Variants in MTHFSD observed in about 807,000 individuals in gnomAD.
The protein encoded by MTHFSD is methenyltetrahydrofolate synthase domain-containing protein.
In MTHFSD, 37 loss-of-function variants were observed where a neutral mutation model predicts 31.1. That is an observed-to-expected ratio of 1.19 (90% confidence interval 0.91 to 1.56). MTHFSD has a LOEUF of 1.56. Ranked by LOEUF, MTHFSD falls within the 40% of genes most tolerant of loss-of-function variation. MTHFSD has a pLI of 0.00. For missense variants in MTHFSD, 664 were observed against 510.1 expected (o/e 1.30, Z -2.91); for synonymous variants, 221 against 206.9 (o/e 1.07, Z -0.59).
intron 1 of MTHFSD, 150 bp from the exon 2 acceptor site, chr16:86,554,901 C>A: frequency 8.6e-6 from 9 of 1,048,786 alleles, no homozygotes; most frequent in African/African-American, 8.0e-5. Flanking sequence ...CCTCAAGGGG[C>A]CCACGGGCTC....
In MTHFSD at chr16:86,532,265, C is replaced by A. The variant is rs548803291; in HGVS notation, c.898G>T (p.Glu300Ter). The A allele has an allele frequency of 7.0e-6, 11 of 1,567,508 alleles. No individual in the cohort carries two copies. Among genetic ancestry groups the A allele is most frequent in the Admixed American group, 1.9e-5 (1 of 52,660 alleles). Residue 300 changes from glutamate to a stop codon, truncating the protein, a stop_gained, in exon 8 of 8, where the codon GAG (glutamate) becomes TAG (stop). Coordinates refer to ENST00000360900, the MANE Select transcript of MTHFSD (RefSeq NM_001159377.2). LOFTEE classifies it low-confidence loss of function (END_TRUNC). ...MEAAPGSPPGEGAPLAADVYV... is the reference protein window; with the variant it reads ...MEAAPGSPPG ...ACATCGGCTGCAAGCGGGGCACCCTCCCCTGGTGGGGAGCCAGGGGCTGCC... is the reference window on the plus strand; with the variant it reads ...ACATCGGCTGCAAGCGGGGCACCCTACCCTGGTGGGGAGCCAGGGGCTGCC...
chr16:86,543,279 A>T (rs1301934379), intron 5 of MTHFSD, among the ~76,000 whole-genome samples: 1 of 152,200 alleles, frequency 6.6e-6, no homozygotes, highest in Non-Finnish European at 1.5e-5. Context: ...GAAGCGGGAA[A>T]AGAGGCCAGG....
Position 86,531,975 on chromosome 16 carries a change from G to T in MTHFSD, c.*36C>A, listed in dbSNP as rs753396906. ...ACCGGAGCGGCAGGGGACGGGGATG[G>T]CGAGTCTGCAGTGAGCTCCGTGGCT... is the stretch of plus-strand genomic sequence containing the variant. On this transcript the variant is annotated 3_prime_UTR_variant, in exon 8 of 8. Coordinates refer to ENST00000360900, the MANE Select transcript of MTHFSD (RefSeq NM_001159377.2). This position sits in a 1 kb window ranked among gnomAD's most constrained non-coding sequence, Gnocchi z 5.5. 8.1e-6 allele frequency: 11 copies of T among 1,356,920 alleles called. No individual in the cohort carries two copies. Among genetic ancestry groups the T allele is most frequent in the Non-Finnish European group, 6.7e-6 (7 of 1,041,690 alleles). 84.1% of individuals were successfully genotyped at this position (1,356,920 alleles called of 1,614,324 possible).
chr16:86,552,242 C>T (rs367853384), intron 2 of MTHFSD, 96 bp from the exon 3 acceptor site: 52 of 1,611,186 alleles, frequency 3.2e-5, no homozygotes, highest in African/African-American at 2.4e-4. Context: ...TGGTCCTGGC[C>T]GTTTTGAACG....
intron 7 of MTHFSD, among the ~76,000 whole-genome samples, chr16:86,540,278 T>C (rs567806503): frequency 4.6e-5 from 7 of 152,324 alleles, no homozygotes; most frequent in Admixed American, 3.9e-4. Context: ...ACAGTGACTT[T>C]CCTGGAAGAG....
chr16:86,542,042 C>G lies in MTHFSD; in HGVS notation c.555+59G>C. The G allele has an allele frequency of 6.6e-7, 1 of 1,513,306 alleles. No homozygotes were observed. Among genetic ancestry groups the G allele is most frequent in the Non-Finnish European group, 9.1e-7 (1 of 1,096,364 alleles). 93.7% of individuals were successfully genotyped at this position (1,513,306 alleles called of 1,614,324 possible). On this transcript the variant is annotated intron_variant, in intron 6 of 7. Transcript: ENST00000360900. This position sits in a 1 kb window ranked among gnomAD's most constrained non-coding sequence, Gnocchi z 4.6. ...GAAGCAGATGAGTCTCCTTCCCCAC[C>G]CCCTGCTCCCTCAGAAGAGAATGGC...
At chr16:86,532,637 CCACT>C (rs887157791) in intron 7 of MTHFSD, 156 bp from the exon 8 acceptor site, 18 of 491,390 alleles carry the variant, frequency 3.7e-5, no homozygotes, top group Admixed American at 8.1e-5. Context: ...ACTGTCCCAC[CCACT>C]ATCTCACACA....
chr16:86,541,862 GC>G, intron 6 of MTHFSD, 40 bp from the exon 7 acceptor site: 1 of 1,610,882 alleles, frequency 6.2e-7, no homozygotes, highest in East Asian at 2.2e-5. Flanking sequence ...TGCTGGGAAT[GC>G]CACTGCAGTC....
chr16:86,545,249 A>G (rs1475888437), intron 5 of MTHFSD, among the ~76,000 whole-genome samples: 1 of 152,118 alleles, frequency 6.6e-6, no homozygotes, highest in Non-Finnish European at 1.5e-5. Context: ...GCATGCTACT[A>G]TGTACAACGT....
chr16:86,553,787 G>A (rs964995067), intron 2 of MTHFSD: 8 of 153,212 alleles, frequency 5.2e-5, no homozygotes, highest in Middle Eastern at 3.1e-3. Flanking sequence ...GCCCCAGTGC[G>A]GGATCTGCTG....
In MTHFSD at chr16:86,554,356, G is replaced by C. The variant is rs550598371; in HGVS notation, c.123+289C>G. ...TTAAAAACTGTAACACTCACTGCGA[G>C]GCTTCATTCTTGAAGTCAGTGAGAC... On this transcript the variant is annotated intron_variant, in intron 2 of 7. Transcript: ENST00000360900. 2.8e-3 allele frequency among the ~76,000 whole-genome samples: 430 copies of C among 152,254 alleles called. 2 individuals are homozygous for C. Among genetic ancestry groups the C allele is most frequent in the Non-Finnish European group, 4.8e-3 (327 of 68,012 alleles).
chr16:86,550,720 T>C (rs1408531956), intron 3 of MTHFSD, among the ~76,000 whole-genome samples: 1 of 152,238 alleles, frequency 6.6e-6, no homozygotes, highest in Non-Finnish European at 1.5e-5. Flanking sequence ...ACTGCTGCTA[T>C]TACTACTTCT....
intron 6 of MTHFSD, 109 bp from the exon 7 acceptor site, chr16:86,541,931 C>G: frequency 6.8e-7 from 1 of 1,481,166 alleles, no homozygotes; most frequent in Non-Finnish European, 9.2e-7. Flanking sequence ...ACCCCCAAAT[C>G]CACTCTGGGG....
At chr16:86,541,419 A>C in intron 7 of MTHFSD, 1 of 596,466 alleles carries the variant, frequency 1.7e-6, no homozygotes, top group South Asian at 2.1e-5. Context: ...GTAAAGCTTC[A>C]AGGCATTCAC....
At chr16:86,535,297 C>T in intron 7 of MTHFSD, 1 of 985,410 alleles carries the variant, frequency 1.0e-6, no homozygotes, top group Non-Finnish European at 1.2e-6. Context: ...GATGACAAGG[C>T]TTCACATCAG....
intron 7 of MTHFSD, among the ~76,000 whole-genome samples, chr16:86,538,711 A>C (rs1971060372): frequency 6.6e-6 from 1 of 152,206 alleles, no homozygotes; most frequent in South Asian, 2.1e-4. Flanking sequence ...AGCTGGACGA[A>C]CTGCCCAGAG....
chr16:86,545,645 C>T (rs1474907472), intron 5 of MTHFSD, among the ~76,000 whole-genome samples: 6 of 152,168 alleles, frequency 3.9e-5, no homozygotes, highest in African/African-American at 1.2e-4. Flanking sequence ...CCCCTCCAGG[C>T]TGGCACGTCC....
rs1352127533 is a variant in MTHFSD, at chr16:86,531,998, G to C, written c.*13C>G. 3.5e-5 allele frequency: 50 copies of C among 1,447,902 alleles called. No individual in the cohort carries two copies. Among genetic ancestry groups the C allele is most frequent in the Non-Finnish European group, 4.3e-5 (48 of 1,105,026 alleles). The allele number at this position is 1,447,902 out of a possible 1,614,324, so 89.7% of individuals were successfully genotyped here. A position where few individuals can be genotyped will look rare whatever the true frequency, so the allele number is the denominator to read the frequency against. On this transcript the variant is annotated 3_prime_UTR_variant, in exon 8 of 8. Transcript: ENST00000360900. This position sits in a 1 kb window ranked among gnomAD's most constrained non-coding sequence, Gnocchi z 5.5. ...TGGCGAGTCTGCAGTGAGCTCCGTG[G>C]CTGTCCACGAGGTCACTTGTCCCTC...
rs1315754341 is a variant in MTHFSD, at chr16:86,547,483, G to A, written c.352-834C>T. On this transcript the variant is annotated intron_variant, in intron 4 of 7. Coordinates refer to ENST00000360900, the MANE Select transcript of MTHFSD (RefSeq NM_001159377.2). The stretch of plus-strand genomic sequence containing the variant: ...TGGGGGTCTCCCGACAGTCACAGAA[G>A]GGGGCTTAGTCCAGGAAACCCTGCA... 5 of 986,062 alleles carry A rather than the reference G, an allele frequency of 5.1e-6. 1 individual carries two copies. The East Asian group carries it at 5.7e-4, about 112-fold the overall frequency. The allele number at this position is 986,062 out of a possible 1,614,324, so 61.1% of individuals were successfully genotyped here.
Sources: gnomAD v4.1 joint callset for allele counts (sites outside exome capture counted in the v4.1 genomes callset) on GRCh38, gnomAD v4.1.1 for gene constraint, Gnocchi (gnomAD v3.1) non-coding constraint, MANE v1.5 for transcripts, NCBI Gene and HGNC (gene_info 2026-07-23, HGNC 2026-07-21) for gene names.